TMPRSS9: variants seen among roughly 807,000 people sequenced by gnomAD.
The protein encoded by TMPRSS9 is transmembrane serine protease 9.
TMPRSS9 carries 113 observed loss-of-function variants against 111.4 expected under a neutral mutation model. That is an observed-to-expected ratio of 1.01 (90% CI 0.87 to 1.19). The LOEUF (loss-of-function observed/expected upper bound fraction) is 1.19. Ranked by LOEUF, TMPRSS9 falls within the 50% of genes most tolerant of loss-of-function variation. The pLI is 0.00. For synonymous variants in TMPRSS9, 805 were observed against 659.1 expected (o/e 1.22, Z -3.39); for missense variants, 1,803 against 1,513.1 (o/e 1.19, Z -3.18).
intron 1 of TMPRSS9, among the ~76,000 whole-genome samples, chr19:2,394,817 G>C (rs1970674068): frequency 6.6e-6 from 1 of 152,092 alleles, no homozygotes; most frequent in African/African-American, 2.4e-5. Flanking sequence ...ACTTCTGGTA[G>C]TTTTAACGTA....
At position 2,424,026 on chromosome 19, in the gene TMPRSS9, A is replaced by AG. The variant is rs541099846; in HGVS notation, c.2549-57dup. On this transcript the variant is annotated intron_variant, in intron 14 of 17. Transcript: ENST00000648592. ...GGGGATTCGTGGAGAGGCGGCGCCC[A>AG]GGGGGGCCTTCGTGGAGGAGGTGCC... The AG allele has an allele frequency of 3.5e-5, 44 of 1,244,048 alleles. No homozygotes were observed. In the Admixed American group the frequency reaches 7.6e-4, roughly 22 times the overall value. The allele number at this position is 1,244,048 out of a possible 1,614,324, so 77.1% of individuals were successfully genotyped here. A position where few individuals can be genotyped will look rare whatever the true frequency, so the allele number is the denominator to read the frequency against.
intron 10 of TMPRSS9, 112 bp downstream of exon 11, chr19:2,414,130 G>T: frequency 2.6e-6 from 3 of 1,133,182 alleles, no homozygotes; most frequent in East Asian, 2.6e-5. Context: ...TCAAGGAAAG[G>T]TCACATGTGT....
intron 1 of TMPRSS9, among the ~76,000 whole-genome samples, chr19:2,392,442 C>T (rs780418912): frequency 1.3e-4 from 20 of 152,064 alleles, no homozygotes; most frequent in Non-Finnish European, 2.2e-4. Context: ...CGTAGTGGCT[C>T]ACGCCAGTAA....
intron 1 of TMPRSS9, among the ~76,000 whole-genome samples, chr19:2,372,506 C>T (rs1970299097): frequency 6.6e-6 from 1 of 152,122 alleles, no homozygotes; most frequent in Non-Finnish European, 1.5e-5. Context: ...TTCTCTCCCA[C>T]CCCCAGTCTT....
chr19:2,362,936 TGTTGTGTGTGTGTTGTGTGAGGTTGTG>T (rs59727556), intron 1 of TMPRSS9, among the ~76,000 whole-genome samples: 43,518 of 151,680 alleles, frequency 0.29, 6,736 homozygotes, highest in South Asian at 0.43. Context: ...TGTGGTTGTG[TGTTGTGTGTGTGTTGTGTGAGGTTGTG>T]GTTGTGTGTG....
chr19:2,376,104 C>T (rs1231319199), intron 1 of TMPRSS9, among the ~76,000 whole-genome samples: 1 of 152,134 alleles, frequency 6.6e-6, no homozygotes, highest in East Asian at 1.9e-4. Flanking sequence ...AAGGTGTGGG[C>T]AGGGCTGGTC....
chr19:2,389,460 C>T (rs938381359), upstream of TMPRSS9, among the ~76,000 whole-genome samples: 2 of 150,862 alleles, frequency 1.3e-5, no homozygotes, highest in Admixed American at 6.7e-5. Context: ...GCCTCCGCCT[C>T]CCGGGTTCAA....
intron 1 of TMPRSS9, among the ~76,000 whole-genome samples, chr19:2,364,373 A>G (rs756681420): frequency 1.3e-5 from 2 of 152,076 alleles, no homozygotes; most frequent in African/African-American, 4.8e-5. Flanking sequence ...AGAGGATAAC[A>G]TATTCTGGGT....
chr19:2,362,861 TTGTG>T (rs1453842761), intron 1 of TMPRSS9, among the ~76,000 whole-genome samples: 1 of 151,414 alleles, frequency 6.6e-6, no homozygotes, highest in Non-Finnish European at 1.5e-5. Flanking sequence ...TGGTGTGTGG[TTGTG>T]TGAGGTTGTA....
rs71178274 is a variant in TMPRSS9 at position 2,408,990 on chromosome 19, AAATAATAATAAT to A, written c.1117+391_1117+402del. ...GGTGACAGTGGGAGGCTCCATCTCA[AAATAATAATAAT>A]AATAATAATAATAATAATAATAATA... is the stretch of plus-strand genomic sequence containing the variant. On this transcript the variant is annotated intron_variant, in intron 8 of 17. Coordinates refer to ENST00000648592, the Ensembl canonical transcript of TMPRSS9. Among the ~76,000 whole-genome samples the A allele has an allele frequency of 3.2e-4, 40 of 124,990 alleles. 1 individual carries two copies. The highest frequency in any genetic ancestry group is 1.4e-3 in the East Asian group (6 of 4,304). The allele number at this position is 124,990 out of a possible 152,430, so 82.0% of individuals were successfully genotyped here. A position where few individuals can be genotyped will look rare whatever the true frequency, so the allele number is the denominator to read the frequency against.
At chr19:2,423,241 T>A (rs1312556811) in intron 14 of TMPRSS9, among the ~76,000 whole-genome samples, 1 of 151,612 alleles carries the variant, frequency 6.6e-6, no homozygotes, top group Non-Finnish European at 1.5e-5. Context: ...TGGCGTGGGA[T>A]CTCTTTGGGC....
intron 11 of TMPRSS9, among the ~76,000 whole-genome samples, chr19:2,416,068 C>T (rs564584054): frequency 6.6e-6 from 1 of 152,164 alleles, no homozygotes; most frequent in Non-Finnish European, 1.5e-5. Context: ...TGCTTGCTAC[C>T]CAGGCAGCGT....
chr19:2,411,608 G>A (rs569733689), intron 9 of TMPRSS9, among the ~76,000 whole-genome samples: 5 of 152,102 alleles, frequency 3.3e-5, no homozygotes, highest in African/African-American at 1.2e-4. Flanking sequence ...CTGTCACCCA[G>A]GCTGGAGTGC....
chr19:2,410,175 G>C (rs1971064074), intron 8 of TMPRSS9, 83 bp from the exon 10 acceptor site: 2 of 1,571,142 alleles, frequency 1.3e-6, no homozygotes, highest in Non-Finnish European at 1.7e-6. Flanking sequence ...GCTTGGAGAG[G>C]AGCTGTCCTT....
At chr19:2,425,873 G>A (rs1568196027) in intron 17 of TMPRSS9, 54 bp from the exon 19 acceptor site, 6 of 1,529,362 alleles carry the variant, frequency 3.9e-6, no homozygotes, top group Non-Finnish European at 5.2e-6. Context: ...TGACCCAAGG[G>A]CTGCTGTAGG....
chr19:2,360,271 G>T (rs905419946), exon 1 of TMPRSS9, among the ~76,000 whole-genome samples: 2 of 152,164 alleles, frequency 1.3e-5, no homozygotes, highest in African/African-American at 4.8e-5. Context: ...GGGCAGTAGC[G>T]GTGCAGCCTC....
chr19:2,366,243 C>T lies in TMPRSS9; in HGVS notation c.-26+5883C>T, dbSNP rs550644633. On this transcript the variant is annotated intron_variant, in intron 1 of 17. Transcript: ENST00000649857. ...ACACCTGTAGTCCTAGCTACTCAGG[C>T]GGCCGAGGTGGGAGGATTGCTTGAG... Among the ~76,000 whole-genome samples the T allele has an allele frequency of 9.5e-5, 14 of 146,724 alleles. No homozygotes were observed. The South Asian group carries it at 2.0e-3, about 21-fold the overall frequency.
rs1448724940 is a variant in TMPRSS9 at position 2,414,071 on chromosome 19, G to A, written c.1573+53G>A. On this transcript the variant is annotated intron_variant, in intron 10 of 17. Transcript: ENST00000648592. ...TGATGTACGTGCCTATCTTGATTTA[G>A]GGAGAACGGATATCGTCATAGTATC... The A allele has an allele frequency of 3.4e-6, 5 of 1,455,626 alleles. No individual in the cohort carries two copies. The East Asian group carries it at 7.5e-5, about 22-fold the overall frequency. The allele number at this position is 1,455,626 out of a possible 1,614,324, so 90.2% of individuals were successfully genotyped here.
chr19:2,376,607 G>T (rs917273320), intron 1 of TMPRSS9, among the ~76,000 whole-genome samples: 2 of 152,050 alleles, frequency 1.3e-5, no homozygotes, highest in Non-Finnish European at 2.9e-5. Flanking sequence ...TTACAGGCAT[G>T]TGCCCCCACG....
Sources: gnomAD v4.1 joint callset for allele counts (sites outside exome capture counted in the v4.1 genomes callset) on GRCh38, gnomAD v4.1.1 for gene constraint, MANE v1.5 for transcripts, NCBI Gene and HGNC (gene_info 2026-07-23, HGNC 2026-07-21) for gene names.